EPB41: variants seen among roughly 807,000 people sequenced by gnomAD.
The protein encoded by EPB41 is protein 4.1.
A neutral mutation model predicts 108.0 loss-of-function variants in EPB41; 65 were observed. The ratio of observed to expected loss-of-function variants is 0.60; its 90% CI spans 0.49 to 0.74. The LOEUF is 0.74. EPB41 is among the 30% of genes least tolerant of loss of function. The probability of loss-of-function intolerance (pLI) is 0.00; values close to 1 mark genes in which losing one functional copy is unlikely to be tolerated. For synonymous variants in EPB41, 336 were observed against 358.9 expected (o/e 0.94, Z 0.72); for missense variants, 875 against 1,037.0 (o/e 0.84, Z 2.15).
intron 1 of EPB41, among the ~76,000 whole-genome samples, chr1:28,938,339 G>A (rs991615789): frequency 2.0e-5 from 3 of 152,046 alleles, no homozygotes; most frequent in Non-Finnish European, 4.4e-5. Context: ...ATGAACATGG[G>A]ATTTTTTCCG....
intron 16 of EPB41, among the ~76,000 whole-genome samples, chr1:29,081,078 T>G (rs925745360): frequency 3.3e-5 from 5 of 152,234 alleles, no homozygotes; most frequent in African/African-American, 1.2e-4. Context: ...ATATTCACTC[T>G]TCTCTGTGGC....
intron 1 of EPB41, among the ~76,000 whole-genome samples, chr1:28,950,953 A>G (rs546022084): frequency 1.1e-4 from 16 of 152,072 alleles, no homozygotes; most frequent in Non-Finnish European, 1.8e-4. Flanking sequence ...TTTCTGCCTC[A>G]GCCTCCCAAG....
intron 16 of EPB41, among the ~76,000 whole-genome samples, chr1:29,091,804 A>G (rs1256329939): frequency 6.6e-6 from 1 of 152,172 alleles, no homozygotes; most frequent in African/African-American, 2.4e-5. Flanking sequence ...TTATCAGCCA[A>G]TGAAAGATCT....
At chr1:28,961,007 C>G (rs1418542771) in intron 1 of EPB41, among the ~76,000 whole-genome samples, 1 of 146,892 alleles carries the variant, frequency 6.8e-6, no homozygotes, top group Admixed American at 6.9e-5. Context: ...GCACTCCAGC[C>G]TGGGCAACAA....
intron 16 of EPB41, chr1:29,070,931 T>C (rs1279678175): frequency 4.4e-6 from 1 of 226,204 alleles, no homozygotes; most frequent in Non-Finnish European, 8.5e-6. Flanking sequence ...GTTTACTGTT[T>C]ACTATTGTTA....
upstream of EPB41, among the ~76,000 whole-genome samples, chr1:28,911,868 C>T (rs2092275013): frequency 6.8e-6 from 1 of 147,790 alleles, no homozygotes; most frequent in South Asian, 2.2e-4. Flanking sequence ...CATGGAGAAA[C>T]CCCATCTCTA....
intron 11 of EPB41, among the ~76,000 whole-genome samples, chr1:29,051,243 C>T (rs1273021985): frequency 5.3e-5 from 8 of 151,324 alleles, no homozygotes; most frequent in African/African-American, 1.2e-4. Context: ...TGACTACAGG[C>T]GCCCACCACC....
upstream of EPB41, among the ~76,000 whole-genome samples, chr1:28,909,679 A>G (rs1375626184): frequency 6.6e-6 from 1 of 152,042 alleles, no homozygotes; most frequent in Non-Finnish European, 1.5e-5. Flanking sequence ...ATATACCTGT[A>G]GTCCCAGCTA....
At chr1:28,978,279 G>A (rs2095655677) in intron 1 of EPB41, among the ~76,000 whole-genome samples, 1 of 151,170 alleles carries the variant, frequency 6.6e-6, no homozygotes, top group South Asian at 2.1e-4. Flanking sequence ...TGTCTTAATT[G>A]GGTTTGGATC....
At chr1:28,993,771 C>T (rs1211069186) in intron 3 of EPB41, among the ~76,000 whole-genome samples, 1 of 149,650 alleles carries the variant, frequency 6.7e-6, no homozygotes, top group Non-Finnish European at 1.5e-5. Flanking sequence ...ATTCTCCTGT[C>T]TCAGCCTCCC....
intron 1 of EPB41, among the ~76,000 whole-genome samples, chr1:28,949,905 C>A (rs921905585): frequency 2.6e-5 from 4 of 152,040 alleles, no homozygotes; most frequent in Non-Finnish European, 5.9e-5. Context: ...CCTGGCCCCA[C>A]TCTGTTATTT....
At chr1:29,017,984 T>A (rs1164821954) in intron 6 of EPB41, among the ~76,000 whole-genome samples, 21 of 152,126 alleles carry the variant, frequency 1.4e-4, no homozygotes. Context: ...GTATTTTTTT[T>A]AAGTTTTAAT....
intron 11 of EPB41, among the ~76,000 whole-genome samples, chr1:29,047,711 G>T (rs1643706883): frequency 6.6e-6 from 1 of 151,986 alleles, no homozygotes; most frequent in South Asian, 2.1e-4. Context: ...AATAGCCTTG[G>T]TAGAGGTATA....
At chr1:28,892,093 C>CAAAAAAAAAAAA (rs748788169) in intron 1 of EPB41, among the ~76,000 whole-genome samples, 7 of 69,808 alleles carry the variant, frequency 1.0e-4, no homozygotes, top group Non-Finnish European at 1.8e-4. Context: ...GACTGCATCT[C>CAAAAAAAAAAAA]AAAAAAAAAA....
chr1:28,911,708 C>T (rs898453850), upstream of EPB41, among the ~76,000 whole-genome samples: 9 of 152,162 alleles, frequency 5.9e-5, no homozygotes, highest in Admixed American at 2.0e-4. Context: ...ATAAAAAGCA[C>T]AGCTGAACCT....
At chr1:29,065,387 G>A (rs773999397) in intron 16 of EPB41, 48 of 574,222 alleles carry the variant, frequency 8.4e-5, no homozygotes, top group Admixed American at 1.2e-4. Flanking sequence ...TAGATGATTA[G>A]CCTCTGAGAA....
At chr1:29,013,781 G>T (rs2096540019) in intron 5 of EPB41, among the ~76,000 whole-genome samples, 2 of 150,276 alleles carry the variant, frequency 1.3e-5, no homozygotes, top group African/African-American at 4.9e-5. Context: ...CACCCTCCTT[G>T]GCCTCCCAAA....
chr1:29,101,849 G>A (rs552061378), intron 17 of EPB41, among the ~76,000 whole-genome samples: 1 of 152,216 alleles, frequency 6.6e-6, no homozygotes, highest in East Asian at 1.9e-4. Context: ...GCAGTGAGCT[G>A]TGATTGTGCC....
At chr1:28,904,058 G>C (rs1440409146) in intron 1 of EPB41, among the ~76,000 whole-genome samples, 1 of 151,812 alleles carries the variant, frequency 6.6e-6, no homozygotes, top group Non-Finnish European at 1.5e-5. Flanking sequence ...GTAGAGACAG[G>C]GTTTCACCAT....
Sources: allele counts gnomAD v4.1 joint callset (sites outside exome capture counted in the v4.1 genomes callset), GRCh38; gene constraint gnomAD v4.1.1; transcripts MANE v1.5; gene names NCBI Gene and HGNC (gene_info 2026-07-23, HGNC 2026-07-21).